CDS1: variants seen among roughly 807,000 people sequenced by gnomAD.
CDS1 encodes CDP-diacylglycerol synthase 1.
Under a neutral mutation model 62.1 loss-of-function variants are expected in CDS1, and 41 were observed. The ratio of observed to expected loss-of-function variants is 0.66; its 90% CI spans 0.51 to 0.86. The LOEUF (loss-of-function observed/expected upper bound fraction) is 0.86, where lower values mean the gene tolerates loss of function less well. CDS1 is among the 40% of genes least tolerant of loss of function. The pLI, the probability that CDS1 is intolerant of heterozygous loss-of-function variation, is 0.00. For missense variants in CDS1, 470 were observed against 550.1 expected (o/e 0.85, Z 1.46); for synonymous variants, 185 against 192.6 (o/e 0.96, Z 0.32).
chr4:84,599,421 T>C (rs1333592715), intron 1 of CDS1, among the ~76,000 whole-genome samples: 7 of 19,616 alleles, frequency 3.6e-4, no homozygotes, highest in African/African-American at 8.4e-4. Context: ...TATATATATA[T>C]ATATATATAT....
At chr4:84,590,298 A>G (rs986910549) in intron 1 of CDS1, among the ~76,000 whole-genome samples, 2 of 152,238 alleles carry the variant, frequency 1.3e-5, no homozygotes, top group African/African-American at 4.8e-5. Flanking sequence ...TCTTGTAAAC[A>G]TCATGAACTC....
intron 1 of CDS1, among the ~76,000 whole-genome samples, chr4:84,598,766 C>A (rs978804051): frequency 6.6e-6 from 1 of 152,172 alleles, no homozygotes; most frequent in African/African-American, 2.4e-5. Flanking sequence ...CCACTGCGCC[C>A]AGCTCTTTTT....
chr4:84,633,417 T>TG (rs1724084664), intron 6 of CDS1, among the ~76,000 whole-genome samples: 1 of 152,198 alleles, frequency 6.6e-6, no homozygotes, highest in Non-Finnish European at 1.5e-5. Flanking sequence ...TAACTCTTTA[T>TG]GGGAAAAAGT....
At chr4:84,633,966 A>G (rs201197043) in intron 7 of CDS1, 27 bp downstream of exon 7, 5 of 1,359,870 alleles carry the variant, frequency 3.7e-6, no homozygotes, top group Non-Finnish European at 5.2e-6. Context: ...ATGCTGCTTT[A>G]TAAGTATGTC....
chr4:84,630,663 G>A (rs1323554576), intron 5 of CDS1, among the ~76,000 whole-genome samples: 1 of 152,090 alleles, frequency 6.6e-6, no homozygotes, highest in Admixed American at 6.5e-5. Context: ...GCAGAGGCTG[G>A]GTACAGTGGC....
intron 3 of CDS1, among the ~76,000 whole-genome samples, chr4:84,615,469 C>G (rs1416774099): frequency 6.6e-6 from 1 of 152,078 alleles, no homozygotes; most frequent in Non-Finnish European, 1.5e-5. Context: ...CCTTCTTACC[C>G]CCACCTTTGT....
intron 9 of CDS1, 40 bp from the exon 10 acceptor site, chr4:84,640,798 C>G: frequency 6.9e-7 from 1 of 1,444,850 alleles, no homozygotes; most frequent in Non-Finnish European, 9.2e-7. Context: ...TGAACTTTTG[C>G]TTTGTTTTTT....
chr4:84,613,615 A>G (rs1011260494), intron 3 of CDS1, among the ~76,000 whole-genome samples: 1 of 152,204 alleles, frequency 6.6e-6, no homozygotes, highest in Non-Finnish European at 1.5e-5. Flanking sequence ...GTCTCAAAAA[A>G]CAAACAAACA....
intron 9 of CDS1, 55 bp downstream of exon 9, chr4:84,639,047 T>C: frequency 1.3e-6 from 1 of 794,974 alleles, no homozygotes; most frequent in South Asian, 2.3e-5. Context: ...GATACCAAGC[T>C]TACTGGTCTA....
intron 1 of CDS1, among the ~76,000 whole-genome samples, chr4:84,601,121 C>T (rs1418638154): frequency 1.4e-5 from 2 of 146,830 alleles, no homozygotes; most frequent in East Asian, 4.0e-4. Flanking sequence ...TGCCATGAGC[C>T]AAGATCACGC....
At chr4:84,594,024 T>A (rs1283157512) in intron 1 of CDS1, among the ~76,000 whole-genome samples, 1 of 152,156 alleles carries the variant, frequency 6.6e-6, no homozygotes, top group Non-Finnish European at 1.5e-5. Context: ...TGGGGCCTGA[T>A]AAATTTTACA....
chr4:84,642,911 T>C, intron 10 of CDS1, 113 bp from the exon 11 acceptor site: 1 of 1,022,068 alleles, frequency 9.8e-7, no homozygotes, highest in African/African-American at 1.6e-5. Flanking sequence ...TTAACAAAAA[T>C]GTGGTGCGTG....
At chr4:84,633,974 G>A (rs1724101168) in intron 7 of CDS1, 35 bp downstream of exon 7, 1 of 1,232,436 alleles carries the variant, frequency 8.1e-7, no homozygotes, top group Admixed American at 1.9e-5. Flanking sequence ...TTATAAGTAT[G>A]TCATAGCACT....
intron 1 of CDS1, among the ~76,000 whole-genome samples, chr4:84,587,525 G>A (rs983374201): frequency 1.2e-4 from 19 of 152,166 alleles, no homozygotes; most frequent in African/African-American, 4.1e-4. Flanking sequence ...GTGAAGCCAA[G>A]ATTGAAGTGG....
In CDS1 at chr4:84,648,683, A is replaced by G. The variant is rs924916794; in HGVS notation, c.1383A>G (p.Val461=). ...EKGILQPTLK[V] ...GAATCCTACAACCCACCTTGAAGGT[A>G]TAACTGGATCCAGAGAGGGAAGGAC... The change falls in exon 13 of 13, where the codon GTA becomes GTG. Residue 461 remains valine (V), a synonymous_variant. Transcript: ENST00000295887. 6.2e-7 allele frequency: 1 copy of G among 1,611,176 alleles called. No homozygotes were observed. Among genetic ancestry groups the G allele is most frequent in the Non-Finnish European group, 8.5e-7 (1 of 1,178,456 alleles).
chr4:84,583,353 A>G lies in CDS1; in HGVS notation c.-49A>G. 2 of 1,361,026 alleles carry G rather than the reference A, an allele frequency of 1.5e-6. No individual in the cohort carries two copies. The highest frequency in any genetic ancestry group is 1.2e-5 in the South Asian group (1 of 85,146). The allele number at this position is 1,361,026 out of a possible 1,614,324, so 84.3% of individuals were successfully genotyped here. A position where few individuals can be genotyped will look rare whatever the true frequency, so the allele number is the denominator to read the frequency against. On this transcript the variant is annotated 5_prime_UTR_variant, in exon 1 of 13. Transcript: ENST00000295887. ...GCCTGCAGAACCCTGCTTGCAGCTC[A>G]GGTTTCGGGGTGCTTGAGGAGGCCG...
At position 84,650,578 on chromosome 4, in the gene CDS1, C is replaced by G. The variant is rs1489314060; in HGVS notation, c.*1892C>G. 1.3e-5 allele frequency: 2 copies of G among 152,176 alleles called. No homozygotes were observed. The highest frequency in any genetic ancestry group is 2.4e-5 in the African/African-American group (1 of 41,552). The allele number at this position is 152,176 out of a possible 1,614,324, so 9.4% of individuals were successfully genotyped here. A position where few individuals can be genotyped will look rare whatever the true frequency, so the allele number is the denominator to read the frequency against. On this transcript the variant is annotated 3_prime_UTR_variant, in exon 13 of 13. Coordinates refer to ENST00000295887, the MANE Select transcript of CDS1 (RefSeq NM_001263.4). ...TAAGAACTCCTTGAGATACACAGAT[C>G]CCCCCACATTTGTATTTAAAATAAT... is the stretch of plus-strand genomic sequence containing the variant.
At chr4:84,636,345 C>T (rs185249793) in intron 8 of CDS1, among the ~76,000 whole-genome samples, 61 of 152,208 alleles carry the variant, frequency 4.0e-4, no homozygotes, top group African/African-American at 1.4e-3. Flanking sequence ...GGAAAATACA[C>T]ATGAGTAGAC....
intron 3 of CDS1, among the ~76,000 whole-genome samples, chr4:84,612,396 G>T (rs1260528682): frequency 2.0e-5 from 3 of 152,032 alleles, no homozygotes. Flanking sequence ...AGTGACTTCG[G>T]CAGGTTTGGT....
Sources: gnomAD v4.1 joint callset for allele counts (sites outside exome capture counted in the v4.1 genomes callset) on GRCh38, gnomAD v4.1.1 for gene constraint, MANE v1.5 for transcripts, NCBI Gene and HGNC (gene_info 2026-07-23, HGNC 2026-07-21) for gene names.